TMEM9: variants seen among roughly 807,000 people sequenced by gnomAD.
The protein encoded by TMEM9 is transmembrane protein 9.
A neutral mutation model predicts 22.8 loss-of-function variants in TMEM9; 13 were observed. The ratio of observed to expected loss-of-function variants is 0.57; its 90% CI spans 0.37 to 0.91. The LOEUF (loss-of-function observed/expected upper bound fraction) is 0.91, where lower values mean the gene tolerates loss of function less well. TMEM9 is among the 40% of genes least tolerant of loss of function. The pLI, the probability that TMEM9 is intolerant of heterozygous loss-of-function variation, is 0.01. For missense variants in TMEM9, 182 were observed against 238.1 expected (o/e 0.76, Z 1.55); for synonymous variants, 88 against 93.0 (o/e 0.95, Z 0.31).
At chr1:201,143,738 G>C in intron 4 of TMEM9, 82 bp downstream of exon 4, 4 of 1,464,520 alleles carry the variant, frequency 2.7e-6, no homozygotes, top group Non-Finnish European at 2.8e-6. Flanking sequence ...GTGGGACCTG[G>C]ACCTAGGTGA....
chr1:201,152,799 C>G (rs1414937092), intron 1 of TMEM9, among the ~76,000 whole-genome samples: 3 of 152,192 alleles, frequency 2.0e-5, no homozygotes, highest in Non-Finnish European at 4.4e-5. Flanking sequence ...AGAAAAGCAC[C>G]TACAGACATG....
chr1:201,158,471 CAA>C (rs2102290406), upstream of TMEM9, among the ~76,000 whole-genome samples: 1 of 151,976 alleles, frequency 6.6e-6, no homozygotes, highest in Non-Finnish European at 1.5e-5. Context: ...GTAGGGAGAG[CAA>C]AGAGATGGGA....
chr1:201,139,396 T>G (rs73081054), intron 4 of TMEM9, among the ~76,000 whole-genome samples: 2,655 of 152,282 alleles, frequency 0.017, 87 homozygotes, highest in African/African-American at 0.061. Context: ...TGTTGCTGAG[T>G]CCCACTGCAC....
At chr1:201,146,261 A>G (rs1001721604) in intron 3 of TMEM9, among the ~76,000 whole-genome samples, 1 of 152,146 alleles carries the variant, frequency 6.6e-6, no homozygotes, top group African/African-American at 2.4e-5. Flanking sequence ...AACCAATCTG[A>G]TGTTCTCCCA....
chr1:201,153,865 G>A lies in TMEM9; in HGVS notation c.59C>T (p.Ala20Val). 3 of 1,614,132 alleles carry A rather than the reference G, an allele frequency of 1.9e-6. No individual in the cohort carries two copies. Among genetic ancestry groups the A allele is most frequent in the East Asian group, 2.2e-5 (1 of 44,872 alleles). Residue 20 changes from alanine (A) to valine (V), a missense_variant, in exon 1 of 5, where the codon GCC becomes GTC. Coordinates refer to ENST00000367330, the MANE Select transcript of TMEM9 (RefSeq NM_001288565.2). ...VGCLLVPPAE[A>V]NKSSEDIRCK... ...CAGGCTCACCTCCCTCACCTTGTTGGCTTCAGCTGGGGGCACCAGCAAACA... is the reference window on the plus strand; with the variant it reads ...CAGGCTCACCTCCCTCACCTTGTTGACTTCAGCTGGGGGCACCAGCAAACA...
At chr1:201,136,401 C>T (rs563351321) in intron 4 of TMEM9, among the ~76,000 whole-genome samples, 2 of 152,260 alleles carry the variant, frequency 1.3e-5, no homozygotes, top group Non-Finnish European at 2.9e-5. Context: ...CACATCTGCT[C>T]CAGATGGGAG....
At chr1:201,139,757 G>A (rs569728865) in intron 4 of TMEM9, among the ~76,000 whole-genome samples, 10 of 152,202 alleles carry the variant, frequency 6.6e-5, no homozygotes, top group Non-Finnish European at 1.5e-4. Flanking sequence ...GCAAACACTT[G>A]TAAAGCTTCC....
chr1:201,157,141 G>T (rs1038585022), upstream of TMEM9, among the ~76,000 whole-genome samples: 9 of 152,168 alleles, frequency 5.9e-5, no homozygotes, highest in African/African-American at 1.9e-4. Context: ...AAGGTGAAAT[G>T]CAGGGGGTTT....
At chr1:201,142,841 G>C (rs1345931951) in intron 4 of TMEM9, among the ~76,000 whole-genome samples, 1 of 152,208 alleles carries the variant, frequency 6.6e-6, no homozygotes, top group Non-Finnish European at 1.5e-5. Flanking sequence ...CGCATAAAGG[G>C]GGAGCCCGAG....
intron 2 of TMEM9, 34 bp from the exon 3 acceptor site, chr1:201,146,882 G>C (rs1277003596): frequency 6.2e-7 from 1 of 1,602,358 alleles, no homozygotes; most frequent in Non-Finnish European, 8.5e-7. Flanking sequence ...GTCGAGGCAG[G>C]GCCACCACGT....
chr1:201,148,838 TCC>T (rs1665202385), intron 2 of TMEM9, among the ~76,000 whole-genome samples: 1 of 152,244 alleles, frequency 6.6e-6, no homozygotes, highest in Non-Finnish European at 1.5e-5. Context: ...TGAGCAGGTC[TCC>T]CCTGTTGTAA....
At chr1:201,170,042 T>C (rs965604964) in intron 1 of TMEM9, among the ~76,000 whole-genome samples, 6 of 152,036 alleles carry the variant, frequency 3.9e-5, no homozygotes, top group African/African-American at 7.2e-5. Flanking sequence ...AAGAGTTTGT[T>C]GGAAAGAAGT....
At chr1:201,147,941 AC>A (rs1665114618) in intron 2 of TMEM9, among the ~76,000 whole-genome samples, 1 of 150,964 alleles carries the variant, frequency 6.6e-6, no homozygotes, top group African/African-American at 2.4e-5. Context: ...GCTCCCCCCA[AC>A]CCCCCGCCAA....
At chr1:201,148,937 T>C (rs1317530561) in intron 2 of TMEM9, among the ~76,000 whole-genome samples, 1 of 152,236 alleles carries the variant, frequency 6.6e-6, no homozygotes, top group Non-Finnish European at 1.5e-5. Context: ...CTGCCATTCC[T>C]GTCCAGAGGC....
At chr1:201,158,437 G>A (rs1014087038), upstream of TMEM9, among the ~76,000 whole-genome samples, 3 of 151,738 alleles carry the variant, frequency 2.0e-5, no homozygotes, top group Non-Finnish European at 4.4e-5. Context: ...TCTGGTGGGG[G>A]GTGGGGGCGG....
chr1:201,144,072 G>T, intron 3 of TMEM9, 121 bp from the exon 4 acceptor site: 1 of 1,093,772 alleles, frequency 9.1e-7, no homozygotes, highest in Non-Finnish European at 1.3e-6. Context: ...CACTAAGAAA[G>T]GACTTGGAGG....
intron 1 of TMEM9, 44 bp downstream of exon 1, chr1:201,153,814 T>C (rs1665625942): frequency 6.2e-7 from 1 of 1,612,058 alleles, no homozygotes; most frequent in African/African-American, 1.3e-5. Context: ...AGGGTGGCCG[T>C]GCACTGTGGT....
intron 1 of TMEM9, among the ~76,000 whole-genome samples, chr1:201,169,153 G>T (rs189782066): frequency 5.3e-5 from 8 of 152,042 alleles, no homozygotes; most frequent in African/African-American, 1.9e-4. Flanking sequence ...TATAGAGGTG[G>T]GTTGGGGAGG....
At chr1:201,148,068 G>A (rs1665128594) in intron 2 of TMEM9, among the ~76,000 whole-genome samples, 1 of 152,202 alleles carries the variant, frequency 6.6e-6, no homozygotes, top group African/African-American at 2.4e-5. Context: ...GCTGGGTGCT[G>A]GCCAGAGCAG....
Sources: allele counts gnomAD v4.1 joint callset (sites outside exome capture counted in the v4.1 genomes callset), GRCh38; gene constraint gnomAD v4.1.1; transcripts MANE v1.5; gene names NCBI Gene and HGNC (gene_info 2026-07-23, HGNC 2026-07-21).